Variants in WDR25 observed in about 807,000 individuals in gnomAD.
WDR25 encodes WD repeat domain 25, also known as WD repeat-containing protein 25.
Under a neutral mutation model 47.7 loss-of-function variants are expected in WDR25, and 35 were observed. The ratio of observed to expected loss-of-function variants is 0.73; its 90% CI spans 0.56 to 0.97. The LOEUF (loss-of-function observed/expected upper bound fraction) is 0.97, where lower values mean the gene tolerates loss of function less well. WDR25 is among the 50% of genes least tolerant of loss of function. The pLI, the probability that WDR25 is intolerant of heterozygous loss-of-function variation, is 0.00. For synonymous variants in WDR25, 248 were observed against 278.9 expected, an observed-to-expected ratio of 0.89 and a Z score of 1.10; for missense variants, 634 against 704.7, an observed-to-expected ratio of 0.90 and a Z score of 1.14.
At chr14:100,384,404 A>T (rs373777883) in intron 2 of WDR25, among the ~76,000 whole-genome samples, 1 of 152,116 alleles carries the variant, frequency 6.6e-6, no homozygotes, top group Non-Finnish European at 1.5e-5. Flanking sequence ...AGGAGCCAGG[A>T]TGGGAAGACA....
chr14:100,469,852 C>T (rs1340913332), intron 3 of WDR25, among the ~76,000 whole-genome samples: 1 of 152,234 alleles, frequency 6.6e-6, no homozygotes, highest in African/African-American at 2.4e-5. Context: ...CCAGGATGCA[C>T]GCAGGTCTGC....
intron 2 of WDR25, among the ~76,000 whole-genome samples, chr14:100,422,830 C>T (rs535679297): frequency 6.6e-5 from 10 of 152,300 alleles, no homozygotes; most frequent in African/African-American, 1.9e-4. Flanking sequence ...GTGCTCCATC[C>T]TGGGGGTGGT....
chr14:100,515,789 C>CT lies in WDR25; in HGVS notation c.1102-10061dup, dbSNP rs11301950. On this transcript the variant is annotated intron_variant, in intron 4 of 6. Coordinates refer to ENST00000402312, the MANE Select transcript of WDR25 (RefSeq NM_001161476.3). Reference sequence around the variant, plus strand: ...TACAGGCGCATGCCACCACACCTTGCTTTTTTTTTTTTTTTTTTTTGTATT... The same window carrying CT: ...TACAGGCGCATGCCACCACACCTTGCTTTTTTTTTTTTTTTTTTTTTGTATT... Among the ~76,000 whole-genome samples, 877 of 110,266 alleles carry CT rather than the reference C, an allele frequency of 8.0e-3. 10 individuals are homozygous for CT. Among genetic ancestry groups the CT allele is most frequent in the South Asian group, 0.025 (80 of 3,196 alleles). The allele number at this position is 110,266 out of a possible 152,430, so 72.3% of individuals were successfully genotyped here. A position where few individuals can be genotyped will look rare whatever the true frequency, so the allele number is the denominator to read the frequency against.
chr14:100,408,202 C>T (rs954189979), intron 2 of WDR25, among the ~76,000 whole-genome samples: 1 of 152,080 alleles, frequency 6.6e-6, no homozygotes, highest in Non-Finnish European at 1.5e-5. Flanking sequence ...CCTCATCGGA[C>T]GTTCCTGTGA....
rs1177227343 is a variant in WDR25, at chr14:100,381,459, A to T, written c.535A>T (p.Arg179Ter). ...GGACTGTGTGGTACCCTATACTCCCAGAAGACTAAGACAGCGGCAGGCATT... is the reference window on the plus strand; with the variant it reads ...GGACTGTGTGGTACCCTATACTCCCTGAAGACTAAGACAGCGGCAGGCATT... ...CEDCVVPYTP[R>*]RLRQRQALST... Residue 179 changes from arginine to a stop codon, truncating the protein, a stop_gained, in exon 2 of 7, where the codon AGA becomes TGA. Transcript: ENST00000402312. LOFTEE classifies it high-confidence loss of function. The T allele has an allele frequency of 6.2e-7, 1 of 1,614,232 alleles. No individual in the cohort carries two copies. The highest frequency in any genetic ancestry group is 8.5e-7 in the Non-Finnish European group (1 of 1,180,050).
intron 3 of WDR25, among the ~76,000 whole-genome samples, chr14:100,475,769 C>T (rs960217682): frequency 3.3e-5 from 5 of 152,036 alleles, no homozygotes; most frequent in Non-Finnish European, 7.4e-5. Context: ...TAAAAGAATG[C>T]ACTTTTAACA....
At chr14:100,450,967 G>A (rs1663475408) in intron 2 of WDR25, among the ~76,000 whole-genome samples, 1 of 152,174 alleles carries the variant, frequency 6.6e-6, no homozygotes, top group Non-Finnish European at 1.5e-5. Flanking sequence ...TTTAGACCTC[G>A]GGTTCCAGCT....
rs557934080 is a variant in WDR25, at chr14:100,481,956, T to C, written c.971-2038T>C. ...TCCAAATTTTGACCTGGAAAGTCACTGGAATAACTTTCAAAAATAATTACA... is the reference window on the plus strand; with the variant it reads ...TCCAAATTTTGACCTGGAAAGTCACCGGAATAACTTTCAAAAATAATTACA... On this transcript the variant is annotated intron_variant, in intron 3 of 6. Transcript: ENST00000402312. Among the ~76,000 whole-genome samples the C allele has an allele frequency of 4.6e-5, 7 of 152,288 alleles. No individual in the cohort carries two copies. In the East Asian group the frequency reaches 1.3e-3, roughly 29 times the overall value.
chr14:100,454,432 A>G (rs1181093028), intron 2 of WDR25: 4 of 1,287,152 alleles, frequency 3.1e-6, no homozygotes, highest in Non-Finnish European at 4.0e-6. Flanking sequence ...CAGATGCTTA[A>G]AATTGAAAAT....
In WDR25 at chr14:100,380,902, G is replaced by A; in HGVS notation, c.-15-8G>A. The A allele has an allele frequency of 6.2e-7, 1 of 1,602,082 alleles. No homozygotes were observed. The highest frequency in any genetic ancestry group is 8.5e-7 in the Non-Finnish European group (1 of 1,170,884). On this transcript the variant is annotated splice_region_variant and splice_polypyrimidine_tract_variant and intron_variant, in intron 1 of 6. Transcript: ENST00000402312. ...CATTTTCTGACGGTTGACCTTGTTT[G>A]ATCTTAGGTGGTTTGGCTTTGAATG...
intron 2 of WDR25, among the ~76,000 whole-genome samples, chr14:100,437,356 G>A: frequency 6.6e-6 from 1 of 152,172 alleles, no homozygotes; most frequent in East Asian, 1.9e-4. Flanking sequence ...TGAGATTCCA[G>A]TCTGAGCCCG....
intron 4 of WDR25, among the ~76,000 whole-genome samples, chr14:100,486,983 GT>G (rs200795860): frequency 1.4e-4 from 21 of 150,946 alleles, no homozygotes; most frequent in African/African-American, 4.1e-4. Flanking sequence ...TCTTCTTTCT[GT>G]TTTTTTTTCC....
rs542855417 is a variant in WDR25, at chr14:100,494,943, C to A, written c.1101+10819C>A. Among the ~76,000 whole-genome samples the A allele has an allele frequency of 6.6e-5, 10 of 152,162 alleles. No individual in the cohort carries two copies. The East Asian group carries it at 1.9e-3, about 29-fold the overall frequency. On this transcript the variant is annotated intron_variant, in intron 4 of 6. Transcript: ENST00000402312. ...TTGCTTGAGGCCAGGAGTTAGAGAG[C>A]AGCCTGGGCAACATAGCGAGATCAT...
intron 2 of WDR25, among the ~76,000 whole-genome samples, chr14:100,405,763 T>G (rs910741142): frequency 6.6e-6 from 1 of 152,190 alleles, no homozygotes; most frequent in Non-Finnish European, 1.5e-5. Flanking sequence ...TCTCAGTGAT[T>G]AGGCTTGGAG....
At chr14:100,377,448 C>T (rs1896732686) in intron 1 of WDR25, among the ~76,000 whole-genome samples, 1 of 151,814 alleles carries the variant, frequency 6.6e-6, no homozygotes, top group Non-Finnish European at 1.5e-5. Flanking sequence ...TACAGGCGCG[C>T]ACCACTGCAC....
intron 5 of WDR25, among the ~76,000 whole-genome samples, chr14:100,527,945 C>T (rs988048029): frequency 1.3e-5 from 2 of 152,150 alleles, no homozygotes; most frequent in Non-Finnish European, 2.9e-5. Flanking sequence ...AGGGGTGCTT[C>T]CTGTCAATGA....
chr14:100,454,823 G>C (rs1453664783), intron 2 of WDR25: 1 of 202,024 alleles, frequency 4.9e-6, no homozygotes, highest in Non-Finnish European at 1.0e-5. Context: ...ACTCTAAGCA[G>C]CTCAACTAAG....
chr14:100,406,856 G>T (rs1460283622), intron 2 of WDR25: 1 of 152,388 alleles, frequency 6.6e-6, no homozygotes, highest in African/African-American at 2.4e-5. Flanking sequence ...CAGGCCCCAG[G>T]GCGGTTGGCA....
chr14:100,396,955 T>C (rs1307200764), intron 2 of WDR25, among the ~76,000 whole-genome samples: 1 of 152,246 alleles, frequency 6.6e-6, no homozygotes, highest in African/African-American at 2.4e-5. Flanking sequence ...ATGGTCTGTG[T>C]TTCTCATGGT....
Sources: gnomAD v4.1 joint callset for allele counts (sites outside exome capture counted in the v4.1 genomes callset) on GRCh38, gnomAD v4.1.1 for gene constraint, MANE v1.5 for transcripts, NCBI Gene and HGNC (gene_info 2026-07-23, HGNC 2026-07-21) for gene names.